The following PEX26 variants were observed in gnomAD, a reference collection of about 807,000 sequenced individuals.
The protein encoded by PEX26 is peroxisome assembly protein 26.
In PEX26, 18 loss-of-function variants were observed where a neutral mutation model predicts 31.4. That is an observed-to-expected ratio of 0.57 (90% CI 0.40 to 0.85). The LOEUF is 0.85. PEX26 is among the 40% of genes least tolerant of loss of function. The pLI is 0.00. For missense variants in PEX26, 377 were observed against 383.9 expected (o/e 0.98, Z 0.15); for synonymous variants, 176 against 166.9 (o/e 1.05, Z -0.42).
chr22:18,094,597 A>G lies in PEX26; in HGVS notation c.*6522A>G, dbSNP rs1479708949. 1 of 152,182 alleles carries G rather than the reference A, an allele frequency of 6.6e-6. No individual in the cohort carries two copies. Among genetic ancestry groups the G allele is most frequent in the Non-Finnish European group, 1.5e-5 (1 of 68,034 alleles). 9.4% of individuals were successfully genotyped at this position (152,182 alleles called of 1,614,324 possible). On this transcript the variant is annotated 3_prime_UTR_variant, in exon 5 of 5. Transcript: ENST00000399744. ...TTGTATGGTCCTCAGAATGTAACCT[A>G]CAGGTTCTTGCCCTCAGAAAAATGC...
chr22:18,079,634 A>G (rs1602456790), intron 1 of PEX26, among the ~76,000 whole-genome samples: 3 of 152,188 alleles, frequency 2.0e-5, no homozygotes. Context: ...TCACCTGGAT[A>G]CAAAGATGAA....
Position 18,095,652 on chromosome 22 carries a change from G to A in PEX26, c.*7577G>A, listed in dbSNP as rs1342623070. On this transcript the variant is annotated 3_prime_UTR_variant, in exon 5 of 5. Coordinates refer to ENST00000399744, the MANE Select transcript of PEX26 (RefSeq NM_001127649.3). ...TGTTTTCAGAGGTGCTAAAGACAATGGCTAAAAGATGTGCTCTATTAATCC... is the reference window on the plus strand; with the variant it reads ...TGTTTTCAGAGGTGCTAAAGACAATAGCTAAAAGATGTGCTCTATTAATCC... 1 of 151,374 alleles carries A rather than the reference G, an allele frequency of 6.6e-6. No homozygotes were observed. The highest frequency in any genetic ancestry group is 2.4e-5 in the African/African-American group (1 of 41,166). 9.4% of individuals were successfully genotyped at this position (151,374 alleles called of 1,614,324 possible). A position where few individuals can be genotyped will look rare whatever the true frequency, so the allele number is the denominator to read the frequency against.
In PEX26 at chr22:18,094,069, C is replaced by T. The variant is rs543409351; in HGVS notation, c.*5994C>T. 3.9e-5 allele frequency: 6 copies of T among 152,318 alleles called. No individual in the cohort carries two copies. In the South Asian group the frequency reaches 1.2e-3, roughly 32 times the overall value. The allele number at this position is 152,318 out of a possible 1,614,324, so 9.4% of individuals were successfully genotyped here. ...ATTTAGCTCTACATGTTTCCCAGCTCGTATTTTCCAACAGCCCCTTTAAAA... is the reference window on the plus strand; with the variant it reads ...ATTTAGCTCTACATGTTTCCCAGCTTGTATTTTCCAACAGCCCCTTTAAAA... On this transcript the variant is annotated 3_prime_UTR_variant, in exon 5 of 5. Coordinates refer to ENST00000399744, the MANE Select transcript of PEX26 (RefSeq NM_001127649.3).
At chr22:18,084,237 C>CTTTTTTTTTTTTTTTT (rs362041) in intron 3 of PEX26, among the ~76,000 whole-genome samples, 4 of 95,322 alleles carry the variant, frequency 4.2e-5, no homozygotes, top group African/African-American at 3.9e-5. Context: ...ATCTCTCTCT[C>CTTTTTTTTTTTTTTTT]TTTTTTTTTT....
At position 18,086,905 on chromosome 22, in the gene PEX26, T is replaced by C. The variant is rs769233187; in HGVS notation, c.815-1067T>C. ...ATATTTATTTATTTATTTTTATTTT[T>C]ATTTTATTTTATTTATTTAGTTTTT... On this transcript the variant is annotated intron_variant, in intron 4 of 4. Coordinates refer to ENST00000399744, the MANE Select transcript of PEX26 (RefSeq NM_001127649.3). Among the ~76,000 whole-genome samples the C allele has an allele frequency of 2.0e-5, 3 of 151,626 alleles. No individual in the cohort carries two copies. The East Asian group carries it at 5.8e-4, about 29-fold the overall frequency.
At chr22:18,087,916 C>T in intron 4 of PEX26, 56 bp from the exon 5 acceptor site, 6 of 1,126,354 alleles carry the variant, frequency 5.3e-6, no homozygotes, top group Non-Finnish European at 8.1e-6. Context: ...TGGGAGATGG[C>T]AGAGTGACAG....
rs2123668558 is a variant in PEX26, at chr22:18,091,745, A to C, written c.*3670A>C. The C allele has an allele frequency of 6.6e-6, 1 of 152,428 alleles. No individual in the cohort carries two copies. Among genetic ancestry groups the C allele is most frequent in the South Asian group, 2.1e-4 (1 of 4,830 alleles). 9.4% of individuals were successfully genotyped at this position (152,428 alleles called of 1,614,324 possible). ...CCGTTGCGTGATGGGGTCACAGAGC[A>C]CAGACCTGGTGCCCTTTTCCTTTTT... On this transcript the variant is annotated 3_prime_UTR_variant, in exon 5 of 5. Coordinates refer to ENST00000399744, the MANE Select transcript of PEX26 (RefSeq NM_001127649.3).
At chr22:18,083,878 T>A in intron 3 of PEX26, 146 bp downstream of exon 3, 1 of 783,328 alleles carries the variant, frequency 1.3e-6, no homozygotes, top group East Asian at 2.7e-5. Context: ...GCCTGTTGAT[T>A]TGCTTCACAA....
In PEX26 at chr22:18,078,250, G is replaced by C. The variant is rs769604096; in HGVS notation, c.-127G>C. 16 of 759,226 alleles carry C rather than the reference G, an allele frequency of 2.1e-5. No homozygotes were observed. The highest frequency in any genetic ancestry group is 1.9e-4 in the South Asian group (13 of 67,912). The allele number at this position is 759,226 out of a possible 1,614,324, so 47.0% of individuals were successfully genotyped here. A position where few individuals can be genotyped will look rare whatever the true frequency, so the allele number is the denominator to read the frequency against. On this transcript the variant is annotated 5_prime_UTR_variant, in exon 1 of 5. Coordinates refer to ENST00000399744, the MANE Select transcript of PEX26 (RefSeq NM_001127649.3). ...TTTCCTTCTCGGGGAATCGACCTCG[G>C]GAAGGGGTGTGGGCAAAGAGATGAG...
intron 2 of PEX26, 31 bp from the exon 3 acceptor site, chr22:18,083,406 T>C: frequency 6.2e-7 from 1 of 1,610,344 alleles, no homozygotes; most frequent in Non-Finnish European, 8.5e-7. Flanking sequence ...GACTCTTCTT[T>C]TGTTGGGATT....
rs1356969263 is a variant in PEX26, at chr22:18,078,280, C to G, written c.-97C>G. 1 of 866,038 alleles carries G rather than the reference C, an allele frequency of 1.2e-6. No homozygotes were observed. The highest frequency in any genetic ancestry group is 2.6e-5 in the East Asian group (1 of 38,062). 53.6% of individuals were successfully genotyped at this position (866,038 alleles called of 1,614,324 possible). On this transcript the variant is annotated 5_prime_UTR_variant, in exon 1 of 5. Coordinates refer to ENST00000399744, the MANE Select transcript of PEX26 (RefSeq NM_001127649.3). ...GGGTGTGGGCAAAGAGATGAGGACT[C>G]TCCCTCTTCGCCCAGGCCAACTCGG...
rs1926968956 is a variant in PEX26 at position 18,089,069 on chromosome 22, C to T, written c.*994C>T. 1 of 152,622 alleles carries T rather than the reference C, an allele frequency of 6.6e-6. No individual in the cohort carries two copies. The highest frequency in any genetic ancestry group is 2.1e-4 in the South Asian group (1 of 4,836). 9.5% of individuals were successfully genotyped at this position (152,622 alleles called of 1,614,324 possible). A position where few individuals can be genotyped will look rare whatever the true frequency, so the allele number is the denominator to read the frequency against. Reference sequence around the variant, plus strand: ...CAGGTTGTCCTGGCCAAGTCTTGCTCTGTTACGCTCAGTGCCTCTGCCCAC... The same window carrying T: ...CAGGTTGTCCTGGCCAAGTCTTGCTTTGTTACGCTCAGTGCCTCTGCCCAC... On this transcript the variant is annotated 3_prime_UTR_variant, in exon 5 of 5. Transcript: ENST00000399744.
At chr22:18,079,795 AG>A (rs1218195720) in intron 1 of PEX26, 78 bp from the exon 2 acceptor site, 15 of 1,513,310 alleles carry the variant, frequency 9.9e-6, no homozygotes, top group African/African-American at 1.4e-5. Flanking sequence ...GGAGCTGGAG[AG>A]GAACAGTCCC....
chr22:18,088,226 C>T lies in PEX26; in HGVS notation c.*151C>T. The T allele has an allele frequency of 4.1e-6, 3 of 732,008 alleles. No homozygotes were observed. The highest frequency in any genetic ancestry group is 5.0e-6 in the Non-Finnish European group (2 of 402,296). 45.3% of individuals were successfully genotyped at this position (732,008 alleles called of 1,614,324 possible). ...TGTCTTGCTGCCTGGGTGCCCTCTCCTTTGCACCCTACTTCGGCTGGTCGC... is the reference window on the plus strand; with the variant it reads ...TGTCTTGCTGCCTGGGTGCCCTCTCTTTTGCACCCTACTTCGGCTGGTCGC... On this transcript the variant is annotated 3_prime_UTR_variant, in exon 5 of 5. Transcript: ENST00000399744. This position sits in a 1 kb window ranked among gnomAD's most constrained non-coding sequence, Gnocchi z 4.1.
chr22:18,088,800 T>C lies in PEX26; in HGVS notation c.*725T>C, dbSNP rs1421915030. 2 of 159,210 alleles carry C rather than the reference T, an allele frequency of 1.3e-5. No homozygotes were observed. Among genetic ancestry groups the C allele is most frequent in the African/African-American group, 4.8e-5 (2 of 41,352 alleles). 9.9% of individuals were successfully genotyped at this position (159,210 alleles called of 1,614,324 possible). On this transcript the variant is annotated 3_prime_UTR_variant, in exon 5 of 5. Coordinates refer to ENST00000399744, the MANE Select transcript of PEX26 (RefSeq NM_001127649.3). This position sits in a 1 kb window ranked among gnomAD's most constrained non-coding sequence, Gnocchi z 4.1. ...AGGACAGTACCTTAATTAGCTAGAGTAGATCTGAGAGGGCCTCTTCTTGCC... is the reference window on the plus strand; with the variant it reads ...AGGACAGTACCTTAATTAGCTAGAGCAGATCTGAGAGGGCCTCTTCTTGCC...
chr22:18,085,491 G>A (rs1305934978), intron 4 of PEX26, among the ~76,000 whole-genome samples: 1 of 152,154 alleles, frequency 6.6e-6, no homozygotes, highest in Non-Finnish European at 1.5e-5. Context: ...AGTCCACTTG[G>A]CCCTGCTGAC....
chr22:18,083,320 G>T (rs1237016976), intron 2 of PEX26, 117 bp from the exon 3 acceptor site: 3 of 1,023,910 alleles, frequency 2.9e-6, no homozygotes, highest in Non-Finnish European at 4.7e-6. Flanking sequence ...ATCGGAAAGG[G>T]CTCGAGGACA....
At chr22:18,080,501 T>G (rs572679745) in intron 2 of PEX26, among the ~76,000 whole-genome samples, 8 of 152,172 alleles carry the variant, frequency 5.3e-5, no homozygotes, top group African/African-American at 1.7e-4. Flanking sequence ...GGCTAATTTT[T>G]TTGTGTTTTA....
chr22:18,092,204 CT>C lies in PEX26; in HGVS notation c.*4130del, dbSNP rs1235217628. ...CCTGTGGGAATTCTACTGATTTACT[CT>C]CTGGCCTAGTCAAGCAACCCACCCA... On this transcript the variant is annotated 3_prime_UTR_variant, in exon 5 of 5. Transcript: ENST00000399744. 1.3e-5 allele frequency: 2 copies of C among 152,282 alleles called. No individual in the cohort carries two copies. The highest frequency in any genetic ancestry group is 4.8e-5 in the African/African-American group (2 of 41,472). 9.4% of individuals were successfully genotyped at this position (152,282 alleles called of 1,614,324 possible). A position where few individuals can be genotyped will look rare whatever the true frequency, so the allele number is the denominator to read the frequency against.
Sources: gnomAD v4.1 joint callset for allele counts (sites outside exome capture counted in the v4.1 genomes callset) on GRCh38, gnomAD v4.1.1 for gene constraint, Gnocchi (gnomAD v3.1) non-coding constraint, MANE v1.5 for transcripts, NCBI Gene and HGNC (gene_info 2026-07-23, HGNC 2026-07-21) for gene names.